The following POU2F1 variants were observed in gnomAD, a reference collection of about 807,000 sequenced individuals.
POU2F1 encodes the protein POU domain, class 2, transcription factor 1.
A neutral mutation model predicts 84.9 loss-of-function variants in POU2F1; 16 were observed. The ratio of observed to expected loss-of-function variants is 0.19; its 90% CI spans 0.13 to 0.29. The LOEUF (loss-of-function observed/expected upper bound fraction) is 0.29, where lower values mean the gene tolerates loss of function less well. POU2F1 is among the 10% of genes least tolerant of loss of function. The pLI, the probability that POU2F1 is intolerant of heterozygous loss-of-function variation, is 1.00. For missense variants in POU2F1, 738 were observed against 942.6 expected (o/e 0.78, Z 2.84); for synonymous variants, 368 against 368.3 (o/e 1.00, Z 0.01).
At chr1:167,268,311 A>G (rs1488572919) in intron 1 of POU2F1, among the ~76,000 whole-genome samples, 1 of 152,162 alleles carries the variant, frequency 6.6e-6, no homozygotes, top group Non-Finnish European at 1.5e-5. Context: ...CTCCCTTAAA[A>G]TTCCAAAACT....
In POU2F1 at chr1:167,358,769, G is replaced by C. The variant is rs539284835; in HGVS notation, c.128-6698G>C. Among the ~76,000 whole-genome samples, 19 of 119,738 alleles carry C rather than the reference G, an allele frequency of 1.6e-4. No homozygotes were observed. In the East Asian group the frequency reaches 4.7e-3, roughly 29 times the overall value. 78.6% of individuals were successfully genotyped at this position (119,738 alleles called of 152,430 possible). ...GGTTCTGACTGTGCTGCTCAGGCTGGTCTTGAACTCCTGGCCTCAAGTAAT... is the reference window on the plus strand; with the variant it reads ...GGTTCTGACTGTGCTGCTCAGGCTGCTCTTGAACTCCTGGCCTCAAGTAAT... On this transcript the variant is annotated intron_variant, in intron 2 of 15. Coordinates refer to ENST00000367866, the MANE Select transcript of POU2F1 (RefSeq NM_002697.4).
intron 10 of POU2F1, chr1:167,396,630 A>C (rs1648824571): frequency 5.5e-6 from 3 of 548,636 alleles, no homozygotes; most frequent in Non-Finnish European, 9.3e-6. Context: ...TTACAGTATA[A>C]ATAATTAGCC....
At chr1:167,314,961 C>G (rs145867538) in intron 1 of POU2F1, among the ~76,000 whole-genome samples, 1 of 152,222 alleles carries the variant, frequency 6.6e-6, no homozygotes, top group African/African-American at 2.4e-5. Flanking sequence ...CTCATGGGAT[C>G]TGGTTATTTT....
intron 1 of POU2F1, among the ~76,000 whole-genome samples, chr1:167,221,376 G>A (rs1299949043): frequency 1.3e-5 from 2 of 150,380 alleles, no homozygotes; most frequent in African/African-American, 4.9e-5. Flanking sequence ...CATATTCATA[G>A]CTGCTGGGCC....
At chr1:167,301,721 A>T (rs139945971) in intron 1 of POU2F1, among the ~76,000 whole-genome samples, 24 of 152,244 alleles carry the variant, frequency 1.6e-4, no homozygotes, top group African/African-American at 5.3e-4. Flanking sequence ...TACTCCTTAC[A>T]GTTCCTGGTT....
At chr1:167,266,599 G>C in intron 1 of POU2F1, among the ~76,000 whole-genome samples, 1 of 151,332 alleles carries the variant, frequency 6.6e-6, no homozygotes, top group East Asian at 1.9e-4. Context: ...AAGGTACTTT[G>C]GCACAATTTG....
chr1:167,221,230 C>G (rs1324989271), intron 1 of POU2F1, among the ~76,000 whole-genome samples: 1 of 151,392 alleles, frequency 6.6e-6, no homozygotes, highest in African/African-American at 2.4e-5. Context: ...CGCCGCTCGC[C>G]GTCTGCCCGT....
intron 7 of POU2F1, 60 bp downstream of exon 7, chr1:167,376,215 A>C: frequency 2.0e-6 from 3 of 1,522,958 alleles, no homozygotes; most frequent in Non-Finnish European, 2.7e-6. Context: ...AATGTTACAC[A>C]TGCATGAACT....
chr1:167,375,142 T>C (rs1328472157), intron 6 of POU2F1, among the ~76,000 whole-genome samples: 2 of 152,174 alleles, frequency 1.3e-5, no homozygotes, highest in African/African-American at 4.8e-5. Flanking sequence ...GTAAAATATA[T>C]GAAGAGTTAT....
chr1:167,250,947 T>G (rs964293705), intron 1 of POU2F1, among the ~76,000 whole-genome samples: 2 of 152,178 alleles, frequency 1.3e-5, no homozygotes, highest in Admixed American at 6.5e-5. Context: ...TAAAAGCAAA[T>G]TAAGACATTA....
chr1:167,313,855 C>G (rs1387414381), intron 1 of POU2F1, among the ~76,000 whole-genome samples: 1 of 152,142 alleles, frequency 6.6e-6, no homozygotes, highest in Non-Finnish European at 1.5e-5. Flanking sequence ...GGACTCCTGT[C>G]TACAATGTAT....
intron 8 of POU2F1, among the ~76,000 whole-genome samples, chr1:167,388,877 A>G (rs944696538): frequency 4.6e-5 from 7 of 152,182 alleles, no homozygotes; most frequent in Admixed American, 6.5e-5. Flanking sequence ...GCCTGTCTCC[A>G]TCACCCTCTC....
intron 1 of POU2F1, among the ~76,000 whole-genome samples, chr1:167,295,218 C>T (rs1319746002): frequency 2.6e-5 from 4 of 152,114 alleles, no homozygotes; most frequent in East Asian, 1.9e-4. Flanking sequence ...ATGAAAAAGA[C>T]GCCTACACAT....
At chr1:167,312,036 G>A (rs1571277902) in intron 1 of POU2F1, among the ~76,000 whole-genome samples, 1 of 151,986 alleles carries the variant, frequency 6.6e-6, no homozygotes, top group Non-Finnish European at 1.5e-5. Flanking sequence ...CTGGGTTCAA[G>A]CAATTCTCCT....
intron 2 of POU2F1, among the ~76,000 whole-genome samples, chr1:167,347,724 C>G (rs1234462867): frequency 6.6e-6 from 1 of 152,146 alleles, no homozygotes; most frequent in Non-Finnish European, 1.5e-5. Flanking sequence ...AACCACCAAC[C>G]TATAGTTTGT....
At chr1:167,309,104 T>TTC (rs1491314086) in intron 1 of POU2F1, among the ~76,000 whole-genome samples, 46 of 138,030 alleles carry the variant, frequency 3.3e-4, no homozygotes, top group African/African-American at 1.0e-3. Context: ...CCACTAGTGG[T>TTC]TTTTTTTTTT....
chr1:167,327,469 T>C (rs573496743), intron 1 of POU2F1, among the ~76,000 whole-genome samples: 2 of 152,336 alleles, frequency 1.3e-5, no homozygotes, highest in East Asian at 1.9e-4. Context: ...TCCAAAAGTT[T>C]AAGGTTTTTG....
chr1:167,371,654 G>A (rs992546045), intron 4 of POU2F1, among the ~76,000 whole-genome samples: 1 of 152,012 alleles, frequency 6.6e-6, no homozygotes, highest in Non-Finnish European at 1.5e-5. Flanking sequence ...TGAGGAATTG[G>A]GGGCTATGAA....
intron 1 of POU2F1, among the ~76,000 whole-genome samples, chr1:167,247,741 C>A (rs1398457738): frequency 2.0e-5 from 3 of 152,116 alleles, no homozygotes; most frequent in African/African-American, 7.2e-5. Context: ...TTGGAAAAGA[C>A]AAACCTAGCT....
Sources: gnomAD v4.1 joint callset for allele counts (sites outside exome capture counted in the v4.1 genomes callset) on GRCh38, gnomAD v4.1.1 for gene constraint, MANE v1.5 for transcripts, NCBI Gene and HGNC (gene_info 2026-07-23, HGNC 2026-07-21) for gene names.